NLGN4X: variants seen among roughly 807,000 people sequenced by gnomAD.
NLGN4X encodes neuroligin 4 X-linked, also known as neuroligin-4, X-linked.
Under a neutral mutation model 40.3 loss-of-function variants are expected in NLGN4X, and 3 were observed. The ratio of observed to expected loss-of-function variants is 0.07; its 90% CI spans 0.03 to 0.19. The LOEUF is 0.19. Among genes scored for constraint, NLGN4X ranks in the 10% least tolerant of loss-of-function variants. The pLI, the probability that NLGN4X is intolerant of heterozygous loss-of-function variation, is 1.00. For missense variants in NLGN4X, 382 were observed against 708.3 expected (o/e 0.54, Z 5.23); for synonymous variants, 270 against 306.8 (o/e 0.88, Z 1.25).
intron 3 of NLGN4X, among the ~76,000 whole-genome samples, chrX:5,951,481 G>T (rs1172678345): frequency 2.7e-5 from 3 of 111,121 alleles, no homozygotes; most frequent in African/African-American, 9.8e-5. Flanking sequence ...AGCAGTATAT[G>T]ATTCAGGGTG....
chrX:5,954,521 C>A (rs189796766), intron 3 of NLGN4X, among the ~76,000 whole-genome samples: 91 of 107,431 alleles, frequency 8.5e-4, no homozygotes, highest in African/African-American at 2.9e-3. Context: ...CAGGGATGAG[C>A]CACCACGCCA....
chrX:6,147,734 T>A (rs1242401628), intron 2 of NLGN4X, among the ~76,000 whole-genome samples: 8 of 111,245 alleles, frequency 7.2e-5, no homozygotes, highest in African/African-American at 2.6e-4. Context: ...CTCCAACTGT[T>A]CCTTGTCAAC....
At chrX:6,202,769 A>G (rs913199995) in intron 1 of NLGN4X, among the ~76,000 whole-genome samples, 2 of 112,472 alleles carry the variant, frequency 1.8e-5, no homozygotes, top group Non-Finnish European at 3.8e-5. Context: ...ACCAAAAAAA[A>G]TAGTAAACAT....
At chrX:6,001,743 C>T (rs1201960056) in intron 3 of NLGN4X, among the ~76,000 whole-genome samples, 3 of 109,032 alleles carry the variant, frequency 2.8e-5, no homozygotes, top group Non-Finnish European at 5.7e-5. Flanking sequence ...AAATCCTGCC[C>T]GAGCTCTTGG....
chrX:5,970,500 C>A (rs2147019051), intron 3 of NLGN4X, among the ~76,000 whole-genome samples: 1 of 112,081 alleles, frequency 8.9e-6, no homozygotes, highest in Non-Finnish European at 1.9e-5. Context: ...TGAATTTTTC[C>A]TCTGAAGCAA....
At chrX:6,019,310 T>C (rs1201077938) in intron 3 of NLGN4X, among the ~76,000 whole-genome samples, 1 of 111,896 alleles carries the variant, frequency 8.9e-6, no homozygotes, top group Non-Finnish European at 1.9e-5. Flanking sequence ...TAGGCAAATG[T>C]CAGGGGAAAA....
At chrX:5,940,199 T>C (rs777541938) in intron 3 of NLGN4X, among the ~76,000 whole-genome samples, 87 of 112,149 alleles carry the variant, frequency 7.8e-4, no homozygotes, top group Non-Finnish European at 1.5e-3. Context: ...TACTGGCTTA[T>C]TGAAATAAAG....
chrX:6,211,494 T>C (rs1052438767), intron 1 of NLGN4X, among the ~76,000 whole-genome samples: 1 of 111,999 alleles, frequency 8.9e-6, no homozygotes, highest in Non-Finnish European at 1.9e-5. Context: ...GCTATCATAC[T>C]GTAGGAAATG....
chrX:6,093,641 T>C (rs1468271411), intron 2 of NLGN4X, among the ~76,000 whole-genome samples: 1 of 111,558 alleles, frequency 9.0e-6, no homozygotes, highest in African/African-American at 3.2e-5. Context: ...AAAGAAATTA[T>C]AGATATCTGT....
At position 5,948,495 on chromosome X, in the gene NLGN4X, C is replaced by T. The variant is rs146089475; in HGVS notation, c.626-39256G>A. Among the ~76,000 whole-genome samples the T allele has an allele frequency of 2.7e-4, 30 of 112,062 alleles. No individual in the cohort carries two copies. In the East Asian group the frequency reaches 7.9e-3, roughly 30 times the overall value. On this transcript the variant is annotated intron_variant, in intron 3 of 5. Transcript: ENST00000381095. The stretch of plus-strand genomic sequence containing the variant: ...GATGCCATCTTTCTATTTTAAAGGA[C>T]AAAATCCAGTTTGCTTGCAGTTGCA...
intron 2 of NLGN4X, among the ~76,000 whole-genome samples, chrX:6,060,211 G>A (rs1168883820): frequency 8.9e-6 from 1 of 111,868 alleles, no homozygotes; most frequent in East Asian, 2.8e-4. Context: ...AGACATACAA[G>A]CCCTCTGAAT....
chrX:6,164,232 C>G (rs1001120368), intron 1 of NLGN4X, among the ~76,000 whole-genome samples: 3 of 112,687 alleles, frequency 2.7e-5, no homozygotes, highest in Non-Finnish European at 5.6e-5. Context: ...ATATATTTGC[C>G]TGCAATTTAG....
chrX:6,190,331 C>T (rs1370276398), intron 1 of NLGN4X, among the ~76,000 whole-genome samples: 1 of 111,657 alleles, frequency 9.0e-6, no homozygotes, highest in East Asian at 2.8e-4. Context: ...AATTATCTGG[C>T]AATCATTAAA....
chrX:6,057,500 G>T (rs1391229634), intron 2 of NLGN4X, among the ~76,000 whole-genome samples: 4 of 112,063 alleles, frequency 3.6e-5, no homozygotes, highest in Non-Finnish European at 5.6e-5. Context: ...AGATAAATTA[G>T]ATGAATTAAG....
chrX:5,987,081 T>C (rs1229319424), intron 3 of NLGN4X, among the ~76,000 whole-genome samples: 1 of 111,684 alleles, frequency 9.0e-6, no homozygotes, highest in Non-Finnish European at 1.9e-5. Context: ...CCATATCTAT[T>C]AGGAATAAAA....
intron 3 of NLGN4X, among the ~76,000 whole-genome samples, chrX:5,955,198 C>T (rs759222108): frequency 1.8e-5 from 2 of 111,573 alleles, no homozygotes; most frequent in Non-Finnish European, 3.8e-5. Context: ...GATGGTGGAA[C>T]AGCAATACAC....
chrX:5,936,441 CAATATT>C (rs1181279552), intron 3 of NLGN4X, among the ~76,000 whole-genome samples: 2 of 112,082 alleles, frequency 1.8e-5, no homozygotes, highest in African/African-American at 6.5e-5. Context: ...AATTAAGTCT[CAATATT>C]TATAAAGGCA....
intron 2 of NLGN4X, among the ~76,000 whole-genome samples, chrX:6,074,865 C>A (rs575621159): frequency 9.0e-6 from 1 of 111,377 alleles, no homozygotes; most frequent in African/African-American, 3.3e-5. Context: ...GAGAAAGGTA[C>A]TTGCCTTTCA....
chrX:5,937,242 T>G (rs1327202270), intron 3 of NLGN4X, among the ~76,000 whole-genome samples: 2 of 110,576 alleles, frequency 1.8e-5, no homozygotes, highest in African/African-American at 6.6e-5. Flanking sequence ...ACCCAGCTAA[T>G]TTTTTTCTAT....
Sources: allele counts gnomAD v4.1 joint callset (sites outside exome capture counted in the v4.1 genomes callset), GRCh38; gene constraint gnomAD v4.1.1; transcripts MANE v1.5; gene names NCBI Gene and HGNC (gene_info 2026-07-23, HGNC 2026-07-21).